Variants in AFG1L observed in about 807,000 individuals in gnomAD.
AFG1L encodes the protein AFG1-like ATPase.
AFG1L carries 53 observed loss-of-function variants against 62.2 expected under a neutral mutation model. That is an observed-to-expected ratio of 0.85 (90% confidence interval 0.68 to 1.07). The LOEUF (loss-of-function observed/expected upper bound fraction) is 1.07. AFG1L is among the 50% of genes least tolerant of loss of function. The pLI is 0.00. For synonymous variants in AFG1L, 228 were observed against 210.3 expected, an observed-to-expected ratio of 1.08 and a Z score of -0.73; for missense variants, 555 against 590.5, an observed-to-expected ratio of 0.94 and a Z score of 0.62.
intron 7 of AFG1L, among the ~76,000 whole-genome samples, chr6:108,419,211 C>G (rs973781864): frequency 9.2e-5 from 14 of 152,000 alleles, no homozygotes; most frequent in Non-Finnish European, 1.8e-4. Flanking sequence ...AAATAATCTC[C>G]CCAGGGGAAA....
At chr6:108,394,089 T>G (rs1562129626) in intron 6 of AFG1L, among the ~76,000 whole-genome samples, 1 of 144,840 alleles carries the variant, frequency 6.9e-6, no homozygotes, top group Non-Finnish European at 1.5e-5. Context: ...CTCTCTTTTC[T>G]CTTTCTCTCT....
chr6:108,445,761 GGTA>G (rs1347210942), intron 7 of AFG1L, among the ~76,000 whole-genome samples: 1 of 151,632 alleles, frequency 6.6e-6, no homozygotes, highest in Non-Finnish European at 1.5e-5. Context: ...TGCAGTTTGT[GGTA>G]CCCTAAAACA....
intron 7 of AFG1L, among the ~76,000 whole-genome samples, chr6:108,440,677 G>A (rs375560708): frequency 2.0e-5 from 3 of 151,704 alleles, no homozygotes; most frequent in Non-Finnish European, 1.5e-5. Context: ...AAAATTAGCC[G>A]GGCATGGTGG....
At chr6:108,367,978 G>C (rs954289731) in intron 6 of AFG1L, among the ~76,000 whole-genome samples, 1 of 152,090 alleles carries the variant, frequency 6.6e-6, no homozygotes, top group African/African-American at 2.4e-5. Context: ...ATGCCACATT[G>C]ATGGTGTATA....
intron 6 of AFG1L, among the ~76,000 whole-genome samples, chr6:108,395,284 C>T (rs2114608119): frequency 6.6e-6 from 1 of 151,460 alleles, no homozygotes; most frequent in East Asian, 1.9e-4. Context: ...CGAATTTTCT[C>T]TAAACAAGGA....
Position 108,397,078 on chromosome 6 carries a change from G to C in AFG1L, c.749-4918G>C, listed in dbSNP as rs565266938. Among the ~76,000 whole-genome samples, 8 of 152,162 alleles carry C rather than the reference G, an allele frequency of 5.3e-5. No homozygotes were observed. The South Asian group carries it at 1.7e-3, about 32-fold the overall frequency. On this transcript the variant is annotated intron_variant, in intron 6 of 12. Coordinates refer to ENST00000368977, the MANE Select transcript of AFG1L (RefSeq NM_145315.5). ...AAGTCTTGCTCTGTTGCCCAGGCTG[G>C]AGGGCAGTGGCGTGGTCTCAGCTCA...
At chr6:108,460,100 G>A (rs1772395169) in intron 8 of AFG1L, among the ~76,000 whole-genome samples, 1 of 152,056 alleles carries the variant, frequency 6.6e-6, no homozygotes, top group African/African-American at 2.4e-5. Flanking sequence ...AATAAAAAAT[G>A]CAAATACTAC....
At chr6:108,408,824 T>C (rs1262424123) in intron 7 of AFG1L, among the ~76,000 whole-genome samples, 1 of 152,210 alleles carries the variant, frequency 6.6e-6, no homozygotes, top group Non-Finnish European at 1.5e-5. Context: ...TCAGGTTTTT[T>C]TTCTTTTTTC....
Position 108,306,147 on chromosome 6 carries a change from A to T in AFG1L, c.139+10929A>T, listed in dbSNP as rs9400223. Among the ~76,000 whole-genome samples the T allele has an allele frequency of 7.6e-4, 115 of 152,180 alleles. No homozygotes were observed. In the East Asian group the frequency reaches 0.019, roughly 25 times the overall value. The stretch of plus-strand genomic sequence containing the variant: ...TTGAACTCCTGACTTCAGGTTATGC[A>T]CCCATCTCATCCTCCCAAAGTGCTA... On this transcript the variant is annotated intron_variant, in intron 1 of 12. Coordinates refer to ENST00000368977, the MANE Select transcript of AFG1L (RefSeq NM_145315.5).
At chr6:108,405,648 A>G (rs1288577764) in intron 7 of AFG1L, among the ~76,000 whole-genome samples, 1 of 152,190 alleles carries the variant, frequency 6.6e-6, no homozygotes, top group Non-Finnish European at 1.5e-5. Flanking sequence ...CACCTGGCCT[A>G]TTTTAATGAT....
intron 11 of AFG1L, among the ~76,000 whole-genome samples, chr6:108,517,982 G>A (rs1417939388): frequency 1.3e-5 from 2 of 152,084 alleles, no homozygotes; most frequent in East Asian, 1.9e-4. Flanking sequence ...TAGAATGGCA[G>A]TCATTAAAAA....
chr6:108,334,387 T>C (rs558096681), intron 2 of AFG1L, among the ~76,000 whole-genome samples: 20 of 152,156 alleles, frequency 1.3e-4, no homozygotes, highest in African/African-American at 4.8e-4. Flanking sequence ...GTTCAGCCTT[T>C]CCTTCTTACA....
chr6:108,400,151 C>G (rs1781505317), intron 6 of AFG1L, among the ~76,000 whole-genome samples: 1 of 152,050 alleles, frequency 6.6e-6, no homozygotes, highest in African/African-American at 2.4e-5. Flanking sequence ...TTGACTGTTT[C>G]CTTTTCCTTT....
intron 6 of AFG1L, among the ~76,000 whole-genome samples, chr6:108,383,015 A>T (rs1026648347): frequency 2.6e-5 from 4 of 152,234 alleles, no homozygotes; most frequent in Non-Finnish European, 5.9e-5. Flanking sequence ...AGGTGGGTGG[A>T]TCACTTGAGG....
At chr6:108,493,522 A>C (rs191048233) in intron 10 of AFG1L, among the ~76,000 whole-genome samples, 1 of 152,286 alleles carries the variant, frequency 6.6e-6, no homozygotes, top group East Asian at 1.9e-4. Context: ...GGGGGCTCTG[A>C]GCTACACTAG....
chr6:108,297,713 G>A (rs1279315301), intron 1 of AFG1L, among the ~76,000 whole-genome samples: 1 of 151,748 alleles, frequency 6.6e-6, no homozygotes, highest in Non-Finnish European at 1.5e-5. Context: ...AACTTAGCCG[G>A]GTGTGGTGGT....
chr6:108,451,106 C>T (rs941074354), intron 8 of AFG1L, among the ~76,000 whole-genome samples: 4 of 152,140 alleles, frequency 2.6e-5, no homozygotes, highest in Admixed American at 6.5e-5. Flanking sequence ...TTGTCAGTTT[C>T]ACTGGAGCCC....
intron 10 of AFG1L, among the ~76,000 whole-genome samples, chr6:108,480,647 A>G (rs914005628): frequency 1.1e-4 from 17 of 152,076 alleles, no homozygotes; most frequent in African/African-American, 4.1e-4. Flanking sequence ...AAAATATAGA[A>G]ATTAGCCGGG....
chr6:108,402,493 A>AGACTTG (rs1781678188), intron 7 of AFG1L, among the ~76,000 whole-genome samples: 1 of 148,940 alleles, frequency 6.7e-6, no homozygotes, highest in Non-Finnish European at 1.5e-5. Flanking sequence ...AAAAAAAAGG[A>AGACTTG]GACTTGCCAG....
Sources: gnomAD v4.1 joint callset for allele counts (sites outside exome capture counted in the v4.1 genomes callset) on GRCh38, gnomAD v4.1.1 for gene constraint, MANE v1.5 for transcripts, NCBI Gene and HGNC (gene_info 2026-07-23, HGNC 2026-07-21) for gene names.